The following PHF8 variants were observed in gnomAD, a reference collection of about 807,000 sequenced individuals.
PHF8 encodes the protein PHD finger protein 8.
PHF8 carries 9 observed loss-of-function variants against 74.4 expected under a neutral mutation model. That is an observed-to-expected ratio of 0.12 (90% CI 0.07 to 0.21). PHF8 has a LOEUF of 0.21. Among genes scored for constraint, PHF8 ranks in the 10% least tolerant of loss-of-function variants. PHF8 has a pLI of 1.00. For missense variants in PHF8, 478 were observed against 816.6 expected (o/e 0.59, Z 5.05); for synonymous variants, 311 against 316.6 (o/e 0.98, Z 0.19).
chrX:54,036,438 G>C (rs1036395361), intron 2 of PHF8, among the ~76,000 whole-genome samples: 1 of 108,179 alleles, frequency 9.2e-6, no homozygotes, highest in Non-Finnish European at 1.9e-5. Context: ...GGTCAAACAG[G>C]AAGTTTCAAG....
At position 53,987,783 on chromosome X, in the gene PHF8, G is replaced by A; in HGVS notation, c.1892C>T (p.Thr631Ile). The change falls in exon 15 of 22, where the codon ACC becomes ATC. Residue 631 changes from threonine (T) to isoleucine (I), a missense_variant. This residue lies in a region of PHF8 where 45 missense variants were observed against 94.4 expected (regional missense o/e 0.48). Transcript: ENST00000338154. ...ACACACACTTGGTCTTATTATCAGG[G>A]TCGCCTTCTCCTTTCCCAATCTCTC... ...IDERLGKEKA[T>I]LIIRPKFPRK... 1 of 1,199,680 alleles carries A rather than the reference G, an allele frequency of 8.3e-7. No individual in the cohort carries two copies. The highest frequency in any genetic ancestry group is 1.8e-5 in the South Asian group (1 of 55,302).
chrX:53,969,887 T>C (rs1355229756), intron 18 of PHF8, among the ~76,000 whole-genome samples: 1 of 111,967 alleles, frequency 8.9e-6, no homozygotes, highest in Non-Finnish European at 1.9e-5. Context: ...ACAGTCTCTT[T>C]AATAAATGGT....
intron 19 of PHF8, among the ~76,000 whole-genome samples, chrX:53,950,085 A>G (rs1021641099): frequency 5.4e-5 from 6 of 111,508 alleles, no homozygotes; most frequent in African/African-American, 2.0e-4. Flanking sequence ...AAAGCACTTG[A>G]TTCAAGAAAA....
chrX:53,953,517 T>C (rs1174669643), intron 19 of PHF8, among the ~76,000 whole-genome samples: 2 of 108,086 alleles, frequency 1.9e-5, no homozygotes, highest in Non-Finnish European at 3.8e-5. Flanking sequence ...GGCAGGCACC[T>C]GTAATCCCAG....
chrX:53,948,330 T>C (rs965719704), intron 19 of PHF8, among the ~76,000 whole-genome samples: 6 of 111,933 alleles, frequency 5.4e-5, no homozygotes, highest in Non-Finnish European at 9.4e-5. Flanking sequence ...AGTCACGCAG[T>C]GGCGTGACCT....
At chrX:53,988,620 A>AT (rs782162879) in intron 14 of PHF8, among the ~76,000 whole-genome samples, 182 of 100,162 alleles carry the variant, frequency 1.8e-3, no homozygotes, top group East Asian at 1.8e-3. Flanking sequence ...CCAAAAAAAA[A>AT]TTTTTTTTTT....
chrX:53,993,746 C>A lies in PHF8; in HGVS notation c.1481G>T (p.Gly494Val). 1 of 1,211,746 alleles carries A rather than the reference C, an allele frequency of 8.3e-7. No individual in the cohort carries two copies. Residue 494 changes from glycine to valine, a missense_variant, in exon 13 of 22, where the codon GGC (glycine) becomes GTC (valine). Gly to Val is a moderately radical substitution (Grantham distance 109). Around this residue, in one of 9 missense-constraint regions of PHF8, gnomAD observed 153 missense variants for 164.8 expected, o/e 0.93. Transcript: ENST00000338154. ...LPSKNGSKKK[G>V]LKPKELFKKA... is the part of the protein sequence containing the mutation. Reference sequence around the variant, plus strand: ...CTTGAAGAGTTCCTTGGGCTTCAGGCCTTTCTTCTTTGAACCATTTTTGGA... The same window carrying A: ...CTTGAAGAGTTCCTTGGGCTTCAGGACTTTCTTCTTTGAACCATTTTTGGA...
At chrX:53,978,840 C>A (rs1557097077) in intron 18 of PHF8, among the ~76,000 whole-genome samples, 1 of 108,199 alleles carries the variant, frequency 9.2e-6, no homozygotes, top group African/African-American at 3.4e-5. Flanking sequence ...CAAAAGATAC[C>A]AGTCTCAAAA....
Position 53,944,253 on chromosome X carries a change from A to G in PHF8, c.2540-10T>C. On this transcript the variant is annotated splice_polypyrimidine_tract_variant and intron_variant, in intron 19 of 21. Transcript: ENST00000338154. Reference sequence around the variant, plus strand: ...GTTGGGGTCACGCGGGCTGCAAGGGAAACAGGATGAGAAGGTGTCACTAAG... The same window carrying G: ...GTTGGGGTCACGCGGGCTGCAAGGGGAACAGGATGAGAAGGTGTCACTAAG... 8.6e-7 allele frequency: 1 copy of G among 1,160,102 alleles called. No individual in the cohort carries two copies. Among genetic ancestry groups the G allele is most frequent in the Middle Eastern group, 2.6e-4 (1 of 3,816 alleles).
rs1237922683 is a variant in PHF8, at chrX:53,937,997, C to T, written c.*1161G>A. The T allele has an allele frequency of 8.6e-7, 1 of 1,162,161 alleles. No individual in the cohort carries two copies. The highest frequency in any genetic ancestry group is 1.8e-5 in the African/African-American group (1 of 55,036). On this transcript the variant is annotated 3_prime_UTR_variant, in exon 22 of 22. Transcript: ENST00000338154. ...TCTGCTCCTTCACGGATGGGCGTCT[C>T]TTCTCTTCAACTTGGGCTCGTGAAT... is the stretch of plus-strand genomic sequence containing the variant.
chrX:53,976,406 GAATAA>G (rs781868350), intron 18 of PHF8, among the ~76,000 whole-genome samples: 14 of 111,113 alleles, frequency 1.3e-4, no homozygotes, highest in African/African-American at 3.6e-4. Context: ...ATTAGAAAAA[GAATAA>G]AATAAAACTA....
rs182186680 is a variant in PHF8 at position 54,019,385 on chromosome X, C to G, written c.294-1564G>C. 4.6e-3 allele frequency among the ~76,000 whole-genome samples: 505 copies of G among 109,827 alleles called. 2 individuals are homozygous for G. The highest frequency in any genetic ancestry group is 8.4e-3 in the Non-Finnish European group (442 of 52,603). On this transcript the variant is annotated intron_variant, in intron 4 of 21. Coordinates refer to ENST00000338154, the MANE Select transcript of PHF8 (RefSeq NM_015107.3). ...AGCGCAGGTGGGAAGATGGATTAAG[C>G]TAGGGAGGTCAGGGCTGCAGTGAGT...
At chrX:53,963,322 C>G (rs1569525098) in intron 18 of PHF8, among the ~76,000 whole-genome samples, 2 of 111,787 alleles carry the variant, frequency 1.8e-5, no homozygotes, top group Non-Finnish European at 3.8e-5. Context: ...CTGTGCATCC[C>G]TCTACTGAAG....
chrX:54,005,714 G>A (rs903233462), intron 8 of PHF8, among the ~76,000 whole-genome samples: 20 of 107,458 alleles, frequency 1.9e-4, no homozygotes, highest in Non-Finnish European at 3.6e-4. Context: ...AATCTCATCA[G>A]AAACCACAGA....
At chrX:54,009,844 GA>G (rs782363250) in intron 8 of PHF8, among the ~76,000 whole-genome samples, 13 of 9,388 alleles carry the variant, frequency 1.4e-3, no homozygotes, top group Middle Eastern at 0.077. Flanking sequence ...CTCTGTCTCA[GA>G]AAAAAAAAAA....
chrX:54,043,698 G>A (rs1158894831), intron 1 of PHF8, 64 bp downstream of exon 1: 1 of 356,668 alleles, frequency 2.8e-6, no homozygotes, highest in Non-Finnish European at 3.6e-6. Context: ...CTCCCCAAAT[G>A]TTCAGGTACC....
At chrX:54,001,797 T>C (rs1032451812) in intron 10 of PHF8, among the ~76,000 whole-genome samples, 2 of 109,647 alleles carry the variant, frequency 1.8e-5, no homozygotes, top group East Asian at 2.9e-4. Context: ...ATGCCTGTAG[T>C]CTTAGCTACT....
chrX:54,022,716 C>T, intron 3 of PHF8, 42 bp downstream of exon 3: 1 of 897,977 alleles, frequency 1.1e-6, no homozygotes, highest in Non-Finnish European at 1.6e-6. Flanking sequence ...CTTTGTCTCT[C>T]CTCTGGATTG....
At chrX:53,982,386 ATC>A (rs1257160910) in intron 18 of PHF8, among the ~76,000 whole-genome samples, 3 of 112,778 alleles carry the variant, frequency 2.7e-5, no homozygotes, top group African/African-American at 6.4e-5. Context: ...CTTTTTTAGC[ATC>A]TGTTTGGTAA....
Sources: allele counts gnomAD v4.1 joint callset (sites outside exome capture counted in the v4.1 genomes callset), GRCh38; gene constraint gnomAD v4.1.1; regional missense constraint gnomAD v4.1.1; transcripts MANE v1.5; gene names NCBI Gene and HGNC (gene_info 2026-07-23, HGNC 2026-07-21).